The following HMCN1 variants were observed in gnomAD, a reference collection of about 807,000 sequenced individuals.
HMCN1 encodes hemicentin-1.
Under a neutral mutation model 625.9 loss-of-function variants are expected in HMCN1, and 321 were observed. That is an observed-to-expected ratio of 0.51 (90% CI 0.47 to 0.56). The LOEUF is 0.56. Among genes scored for constraint, HMCN1 ranks in the 20% least tolerant of loss-of-function variants. The probability of loss-of-function intolerance (pLI) is 0.00; values close to 1 mark genes in which losing one functional copy is unlikely to be tolerated. For synonymous variants in HMCN1, 2,425 were observed against 2,417.6 expected, an observed-to-expected ratio of 1.00 and a Z score of -0.09; for missense variants, 6,588 against 6,887.3, an observed-to-expected ratio of 0.96 and a Z score of 1.54.
At chr1:186,182,115 AGTGTCTGCTTTTTTCTT>A in intron 104 of HMCN1, 36 bp from the exon 105 acceptor site, 1 of 1,606,814 alleles carries the variant, frequency 6.2e-7, no homozygotes, top group Non-Finnish European at 8.5e-7. Flanking sequence ...GCTCTGTCAC[AGTGTCTGCTTTTTTCTT>A]GTGTAGTGAT....
At chr1:186,054,571 G>A (rs527353450) in intron 44 of HMCN1, among the ~76,000 whole-genome samples, 1 of 151,900 alleles carries the variant, frequency 6.6e-6, no homozygotes, top group Non-Finnish European at 1.5e-5. Flanking sequence ...TATTAGAATT[G>A]ATCTAATTTT....
intron 4 of HMCN1, among the ~76,000 whole-genome samples, chr1:185,896,999 C>G (rs1665529440): frequency 6.6e-6 from 1 of 151,984 alleles, no homozygotes; most frequent in Admixed American, 6.6e-5. Context: ...CCTCTTGAAC[C>G]AACTTTCCTT....
chr1:185,987,462 T>G lies in HMCN1; in HGVS notation c.2966T>G (p.Ile989Arg). The part of the protein sequence containing the change: ...VLPTIQHGQQ[I>R]LSTIEGIPVT... ...CCAACCATTCAGCATGGGCAGCAGATACTCAGTACAATTGAAGGCATTCCA... is the reference window on the plus strand; with the variant it reads ...CCAACCATTCAGCATGGGCAGCAGAGACTCAGTACAATTGAAGGCATTCCA... Residue 989 changes from isoleucine (I) to arginine (R), a missense_variant, in exon 20 of 107, where the codon ATA (isoleucine) becomes AGA (arginine). Physicochemically the swap from Ile to Arg is moderately conservative, Grantham distance 97 (BLOSUM62 -3). This residue lies in a region of HMCN1 where 4,628 missense variants were observed against 4,853.1 expected (regional missense o/e 0.95). Transcript: ENST00000271588. 7 of 1,613,840 alleles carry G rather than the reference T, an allele frequency of 4.3e-6. No individual in the cohort carries two copies. The highest frequency in any genetic ancestry group is 5.9e-6 in the Non-Finnish European group (7 of 1,179,690).
chr1:185,989,101 G>A (rs992179462), intron 20 of HMCN1, among the ~76,000 whole-genome samples: 2 of 144,146 alleles, frequency 1.4e-5, no homozygotes, highest in Non-Finnish European at 3.0e-5. Flanking sequence ...TCCACCTCCC[G>A]GGTTCACGCC....
intron 1 of HMCN1, among the ~76,000 whole-genome samples, chr1:185,770,249 G>A (rs1232204748): frequency 6.6e-6 from 1 of 152,184 alleles, no homozygotes; most frequent in Non-Finnish European, 1.5e-5. Context: ...GAATACTGAA[G>A]AGAGGAATGA....
At chr1:186,053,676 C>T (rs1657118576) in intron 43 of HMCN1, 149 bp from the exon 44 acceptor site, 10 of 743,708 alleles carry the variant, frequency 1.3e-5, no homozygotes, top group Non-Finnish European at 2.0e-5. Flanking sequence ...TATTACTGCT[C>T]CTTCATTTTA....
chr1:185,929,870 G>A (rs146169853), intron 10 of HMCN1, among the ~76,000 whole-genome samples: 2 of 152,194 alleles, frequency 1.3e-5, no homozygotes, highest in East Asian at 1.9e-4. Context: ...ATTTTTTCAT[G>A]TCCAGTAATT....
chr1:186,125,818 A>C lies in HMCN1; in HGVS notation c.12690+24A>C, dbSNP rs562504651. On this transcript the variant is annotated intron_variant, in intron 82 of 106. Transcript: ENST00000271588. ...TGGTAAGTTTAATGGACGTGAACAGATACATTAAGCCAGATTGTAAATTTG... is the reference window on the plus strand; with the variant it reads ...TGGTAAGTTTAATGGACGTGAACAGCTACATTAAGCCAGATTGTAAATTTG... The C allele has an allele frequency of 3.2e-6, 5 of 1,565,440 alleles. No homozygotes were observed. In the African/African-American group the frequency reaches 5.4e-5, roughly 17 times the overall value.
At chr1:186,015,868 A>G in intron 31 of HMCN1, 90 bp from the exon 32 acceptor site, 5 of 1,260,010 alleles carry the variant, frequency 4.0e-6, no homozygotes, top group Non-Finnish European at 5.8e-6. Context: ...AAACTTTGTG[A>G]GAAAAAACAA....
intron 30 of HMCN1, among the ~76,000 whole-genome samples, chr1:186,010,594 G>A (rs1255563483): frequency 1.3e-5 from 2 of 152,054 alleles, no homozygotes; most frequent in African/African-American, 2.4e-5. Flanking sequence ...GCTGGCCAGC[G>A]ATTTATGCAA....
rs1411712017 is a variant in HMCN1, at chr1:185,990,260, A to T, written c.3209-15A>T. The T allele has an allele frequency of 3.1e-6, 5 of 1,611,768 alleles. No individual in the cohort carries two copies. The highest frequency in any genetic ancestry group is 4.2e-6 in the Non-Finnish European group (5 of 1,177,930). On this transcript the variant is annotated splice_polypyrimidine_tract_variant and intron_variant, in intron 21 of 106. Coordinates refer to ENST00000271588, the MANE Select transcript of HMCN1 (RefSeq NM_031935.3). ...CAATATACTGTTTCCCTTCCAAAAC[A>T]TGTGTTTATTTTAGTAAGGCCCAGA... is the stretch of plus-strand genomic sequence containing the variant.
intron 41 of HMCN1, 65 bp downstream of exon 41, chr1:186,045,928 T>A: frequency 8.6e-7 from 1 of 1,161,996 alleles, no homozygotes; most frequent in East Asian, 2.4e-5. Flanking sequence ...GGTATTACCC[T>A]ATTTAGCGTG....
chr1:186,092,654 A>G (rs1366474611), intron 64 of HMCN1, among the ~76,000 whole-genome samples: 2 of 84,162 alleles, frequency 2.4e-5, no homozygotes, highest in Non-Finnish European at 4.0e-5. Flanking sequence ...AGCAATTTGT[A>G]GAAAAAAAGT....
Position 186,123,076 on chromosome 1 carries a change from A to C in HMCN1, c.12355A>C (p.Ile4119Leu), listed in dbSNP as rs146177894. The part of the protein sequence containing the change: ...DITWHKDGRA[I>L]VESIRQRVLS... ...TACATGGCATAAAGATGGGCGTGCAATTGTGGAATCTATCCGCCAGCGCGT... is the reference window on the plus strand; with the variant it reads ...TACATGGCATAAAGATGGGCGTGCACTTGTGGAATCTATCCGCCAGCGCGT... The change falls in exon 81 of 107, where the codon ATT becomes CTT. Residue 4119 changes from isoleucine to leucine, a missense_variant. Transcript: ENST00000271588. 1 of 1,614,098 alleles carries C rather than the reference A, an allele frequency of 6.2e-7. No homozygotes were observed. The highest frequency in any genetic ancestry group is 1.1e-5 in the South Asian group (1 of 91,080).
At position 185,921,145 on chromosome 1, in the gene HMCN1, C is replaced by A. The variant is rs186805199; in HGVS notation, c.901-1234C>A. Among the ~76,000 whole-genome samples, 292 of 152,228 alleles carry A rather than the reference C, an allele frequency of 1.9e-3. 1 individual carries two copies. The highest frequency in any genetic ancestry group is 5.8e-3 in the Admixed American group (88 of 15,274). ...AATGGGATAAGGGTTGTACTAAGAT[C>A]CCTACACTTACACATATAATCTTTT... is the stretch of plus-strand genomic sequence containing the variant. On this transcript the variant is annotated intron_variant, in intron 6 of 106. Coordinates refer to ENST00000271588, the MANE Select transcript of HMCN1 (RefSeq NM_031935.3).
Position 186,112,887 on chromosome 1 carries a change from A to G in HMCN1, c.11065A>G (p.Asn3689Asp). 6.2e-7 allele frequency: 1 copy of G among 1,614,168 alleles called. No homozygotes were observed. The highest frequency in any genetic ancestry group is 1.1e-5 in the South Asian group (1 of 91,088). ...CAATGCTGACCTAGGTGATACAGCC[A>G]ATTATACCTGTGTTGCCAGCAACAT... ...INNADLGDTA[N>D]YTCVASNIAG... The change falls in exon 72 of 107, where the codon AAT becomes GAT. Residue 3689 changes from asparagine to aspartate, a missense_variant. Physicochemically the swap from Asn to Asp is conservative, Grantham distance 23. Coordinates refer to ENST00000271588, the MANE Select transcript of HMCN1 (RefSeq NM_031935.3).
chr1:185,775,765 T>A (rs1030337564), intron 1 of HMCN1, among the ~76,000 whole-genome samples: 1 of 152,244 alleles, frequency 6.6e-6, no homozygotes, highest in African/African-American at 2.4e-5. Flanking sequence ...ATGTGCTTTT[T>A]AATCAAGAGG....
intron 1 of HMCN1, among the ~76,000 whole-genome samples, chr1:185,829,275 T>C (rs1660707240): frequency 6.6e-6 from 1 of 151,988 alleles, no homozygotes; most frequent in African/African-American, 2.4e-5. Context: ...CAGTACTTTG[T>C]TTCATTTTTT....
intron 10 of HMCN1, among the ~76,000 whole-genome samples, chr1:185,932,032 G>A (rs1018371725): frequency 3.3e-5 from 5 of 151,988 alleles, no homozygotes; most frequent in African/African-American, 1.2e-4. Flanking sequence ...TATTGCACGA[G>A]GCATATTTGT....
Sources: allele counts gnomAD v4.1 joint callset (sites outside exome capture counted in the v4.1 genomes callset), GRCh38; gene constraint gnomAD v4.1.1; regional missense constraint gnomAD v4.1.1; transcripts MANE v1.5; gene names NCBI Gene and HGNC (gene_info 2026-07-23, HGNC 2026-07-21).